ADAMTS20: variants seen among roughly 807,000 people sequenced by gnomAD.
ADAMTS20 encodes ADAM metallopeptidase with thrombospondin type 1 motif 20, also known as A disintegrin and metalloproteinase with thrombospondin motifs 20.
In ADAMTS20, 225 loss-of-function variants were observed where a neutral mutation model predicts 260.1. The ratio of observed to expected loss-of-function variants is 0.87; its 90% CI spans 0.78 to 0.97. ADAMTS20 has a LOEUF of 0.97. ADAMTS20 is among the 50% of genes least tolerant of loss of function. The probability of loss-of-function intolerance (pLI) is 0.00; values close to 1 mark genes in which losing one functional copy is unlikely to be tolerated. For synonymous variants in ADAMTS20, 802 were observed against 769.5 expected (o/e 1.04, Z -0.70); for missense variants, 2,400 against 2,337.7 (o/e 1.03, Z -0.55).
intron 36 of ADAMTS20, 53 bp downstream of exon 36, chr12:43,375,326 G>A (rs932684706): frequency 1.4e-5 from 22 of 1,574,792 alleles, no homozygotes; most frequent in African/African-American, 6.9e-5. Flanking sequence ...ATTGTTTGAC[G>A]TTCATAAGCA....
rs1210512071 is a variant in ADAMTS20 at position 43,432,726 on chromosome 12, T to C, written c.2806A>G (p.Ile936Val). The change falls in exon 20 of 39, where the codon ATT becomes GTT. Residue 936 changes from isoleucine (I) to valine (V), a missense_variant. Ile to Val is a conservative substitution (Grantham distance 29). Coordinates refer to ENST00000389420, the MANE Select transcript of ADAMTS20 (RefSeq NM_025003.5). ...TLDIHCMKYS[I>V]HEGQTVQVDD... ...ACTTGAACAGTCTGTCCTTCATGAA[T>C]GGAATACTTCATGCAATGGATGTCC... 11 of 1,613,570 alleles carry C rather than the reference T, an allele frequency of 6.8e-6. No homozygotes were observed. The highest frequency in any genetic ancestry group is 3.3e-4 in the Middle Eastern group (2 of 6,084).
At chr12:43,380,664 A>G (rs1940329866) in intron 31 of ADAMTS20, among the ~76,000 whole-genome samples, 1 of 152,186 alleles carries the variant, frequency 6.6e-6, no homozygotes. Context: ...CCATTTACAG[A>G]ATATAAAAAA....
At chr12:43,435,693 C>CTA (rs1301206888) in intron 18 of ADAMTS20, among the ~76,000 whole-genome samples, 4 of 136,820 alleles carry the variant, frequency 2.9e-5, no homozygotes, top group Non-Finnish European at 4.8e-5. Flanking sequence ...TAAAAAAAGT[C>CTA]TATAAAAAAA....
At chr12:43,375,172 CAAAA>C (rs58169338) in intron 36 of ADAMTS20, among the ~76,000 whole-genome samples, 3 of 62,302 alleles carry the variant, frequency 4.8e-5, no homozygotes, top group African/African-American at 1.3e-4. Context: ...AACTGCGTCT[CAAAA>C]AAAAAAAAAA....
chr12:43,363,124 C>G (rs1939909609), intron 37 of ADAMTS20, among the ~76,000 whole-genome samples: 1 of 152,064 alleles, frequency 6.6e-6, no homozygotes, highest in Non-Finnish European at 1.5e-5. Context: ...CCTCCCACCT[C>G]CCATGACTCG....
intron 16 of ADAMTS20, among the ~76,000 whole-genome samples, chr12:43,442,336 C>T (rs1163301626): frequency 6.6e-6 from 1 of 151,706 alleles, no homozygotes; most frequent in Non-Finnish European, 1.5e-5. Context: ...CAGCTCACTG[C>T]AACCTCCGCC....
intron 37 of ADAMTS20, among the ~76,000 whole-genome samples, chr12:43,357,837 A>G (rs1191320706): frequency 1.3e-5 from 2 of 152,228 alleles, no homozygotes; most frequent in Non-Finnish European, 2.9e-5. Context: ...AAGTAAATAC[A>G]CAAATACATA....
At chr12:43,427,170 C>A in intron 27 of ADAMTS20, 138 bp downstream of exon 27, 1 of 968,366 alleles carries the variant, frequency 1.0e-6, no homozygotes, top group African/African-American at 1.7e-5. Flanking sequence ...GAGACCCTGT[C>A]TCCAAAAACA....
intron 9 of ADAMTS20, among the ~76,000 whole-genome samples, chr12:43,464,961 C>A (rs1237963070): frequency 6.6e-6 from 1 of 152,070 alleles, no homozygotes; most frequent in African/African-American, 2.4e-5. Context: ...TTAATCCCCA[C>A]AACCATCTTG....
At chr12:43,422,180 A>G (rs986446784) in intron 28 of ADAMTS20, among the ~76,000 whole-genome samples, 6 of 152,046 alleles carry the variant, frequency 3.9e-5, no homozygotes, top group African/African-American at 1.4e-4. Flanking sequence ...CAACATGAAG[A>G]AAATTTAAAT....
intron 2 of ADAMTS20, among the ~76,000 whole-genome samples, chr12:43,534,045 A>G (rs1943260146): frequency 2.3e-5 from 1 of 42,582 alleles, no homozygotes; most frequent in Admixed American, 3.1e-4. Flanking sequence ...CCTAGGCATT[A>G]CCATTCAGGA....
At chr12:43,392,669 C>T (rs1215447478) in intron 29 of ADAMTS20, among the ~76,000 whole-genome samples, 1 of 152,062 alleles carries the variant, frequency 6.6e-6, no homozygotes, top group Non-Finnish European at 1.5e-5. Flanking sequence ...ACTGCCAAGT[C>T]CAATAGAAAG....
intron 37 of ADAMTS20, among the ~76,000 whole-genome samples, chr12:43,358,665 C>T (rs1296282574): frequency 6.7e-6 from 1 of 150,100 alleles, no homozygotes; most frequent in Non-Finnish European, 1.5e-5. Flanking sequence ...GGTGAAACCC[C>T]GTCTCTACTA....
chr12:43,491,696 G>T (rs1408775980), intron 6 of ADAMTS20, among the ~76,000 whole-genome samples: 1 of 152,076 alleles, frequency 6.6e-6, no homozygotes, highest in East Asian at 1.9e-4. Context: ...CCCTAGCAAA[G>T]GTAGCCTGGT....
At chr12:43,384,167 A>G (rs190950338) in intron 29 of ADAMTS20, among the ~76,000 whole-genome samples, 190 bp from the exon 30 acceptor site, 257 of 152,346 alleles carry the variant, frequency 1.7e-3, no homozygotes, top group Admixed American at 3.5e-3. Flanking sequence ...CCTGTTTGGC[A>G]TAAGGCACTT....
At chr12:43,492,739 G>T in intron 5 of ADAMTS20, 110 bp from the exon 6 acceptor site, 1 of 1,243,464 alleles carries the variant, frequency 8.0e-7, no homozygotes, top group Non-Finnish European at 1.1e-6. Flanking sequence ...ACAGGTGAAT[G>T]AAGGAGTGAC....
intron 31 of ADAMTS20, among the ~76,000 whole-genome samples, chr12:43,382,951 A>G (rs1262592852): frequency 6.6e-6 from 1 of 151,966 alleles, no homozygotes; most frequent in East Asian, 1.9e-4. Context: ...CTACAACCTG[A>G]TCAAATCTCA....
At chr12:43,486,793 G>A (rs1252393986) in intron 7 of ADAMTS20, among the ~76,000 whole-genome samples, 2 of 151,966 alleles carry the variant, frequency 1.3e-5, no homozygotes, top group Non-Finnish European at 2.9e-5. Context: ...CAAAGGAGAT[G>A]TACAATTGGC....
intron 38 of ADAMTS20, among the ~76,000 whole-genome samples, chr12:43,354,908 G>A (rs7297735): frequency 0.23 from 34,294 of 152,126 alleles, 4,635 homozygotes; most frequent in African/African-American, 0.37. Context: ...TCCATAAGCA[G>A]AGCAGTTCAC....
Sources: allele counts gnomAD v4.1 joint callset (sites outside exome capture counted in the v4.1 genomes callset), GRCh38; gene constraint gnomAD v4.1.1; transcripts MANE v1.5; gene names NCBI Gene and HGNC (gene_info 2026-07-23, HGNC 2026-07-21).